The following NRXN3 variants were observed in gnomAD, a reference collection of about 807,000 sequenced individuals.
NRXN3 encodes the protein neurexin III.
In NRXN3, 32 loss-of-function variants were observed where a neutral mutation model predicts 137.6. That is an observed-to-expected ratio of 0.23 (90% CI 0.18 to 0.31). The LOEUF is 0.31. NRXN3 is among the 10% of genes least tolerant of loss of function. The pLI, the probability that NRXN3 is intolerant of heterozygous loss-of-function variation, is 1.00. For synonymous variants in NRXN3, 798 were observed against 784.5 expected (o/e 1.02, Z -0.29); for missense variants, 1,574 against 2,062.5 (o/e 0.76, Z 4.59).
chr14:79,517,250 A>G (rs954671901), intron 16 of NRXN3, among the ~76,000 whole-genome samples: 1 of 152,094 alleles, frequency 6.6e-6, no homozygotes, highest in Non-Finnish European at 1.5e-5. Context: ...ACATCTGTTT[A>G]TATGTTTAGG....
chr14:78,172,724 A>G (rs1595546527), intron 1 of NRXN3, among the ~76,000 whole-genome samples: 1 of 152,110 alleles, frequency 6.6e-6, no homozygotes, highest in African/African-American at 2.4e-5. Context: ...TTTTTTAAAA[A>G]CAACCGGACT....
chr14:79,095,426 A>T (rs565537214), intron 15 of NRXN3, among the ~76,000 whole-genome samples: 1 of 152,300 alleles, frequency 6.6e-6, no homozygotes, highest in African/African-American at 2.4e-5. Flanking sequence ...GATGCTCAAC[A>T]ACTGTAACCC....
chr14:79,092,487 G>GCACACA (rs147201198), intron 15 of NRXN3, among the ~76,000 whole-genome samples: 1 of 151,278 alleles, frequency 6.6e-6, no homozygotes, highest in Non-Finnish European at 1.5e-5. Flanking sequence ...GAACGTGCAT[G>GCACACA]CACACACACA....
intron 19 of NRXN3, among the ~76,000 whole-genome samples, chr14:79,775,399 C>T (rs1164953569): frequency 2.6e-5 from 4 of 151,960 alleles, no homozygotes; most frequent in Non-Finnish European, 4.4e-5. Context: ...TGTTCGCAGT[C>T]ATCTAATTTC....
intron 15 of NRXN3, among the ~76,000 whole-genome samples, chr14:79,095,451 A>G (rs1296258643): frequency 1.3e-5 from 2 of 152,154 alleles, no homozygotes; most frequent in African/African-American, 2.4e-5. Flanking sequence ...TTGGCAGACT[A>G]GAGAGTTATC....
intron 15 of NRXN3, among the ~76,000 whole-genome samples, chr14:79,242,640 C>T (rs548245418): frequency 1.3e-5 from 2 of 152,234 alleles, no homozygotes; most frequent in Non-Finnish European, 2.9e-5. Context: ...GTACTAATGG[C>T]ATCTGCTCTC....
chr14:78,518,093 T>C (rs746720547), intron 4 of NRXN3, among the ~76,000 whole-genome samples: 3 of 152,106 alleles, frequency 2.0e-5, no homozygotes, highest in Non-Finnish European at 1.5e-5. Flanking sequence ...CTCTATGGGG[T>C]TTGAAAAAAC....
intron 10 of NRXN3, among the ~76,000 whole-genome samples, chr14:78,892,277 G>C (rs530606546): frequency 6.6e-6 from 1 of 152,146 alleles, no homozygotes; most frequent in African/African-American, 2.4e-5. Context: ...GAGAAGGCTT[G>C]AAGAAAGAGA....
intron 20 of NRXN3, among the ~76,000 whole-genome samples, chr14:79,843,450 G>A (rs1568427592): frequency 6.6e-6 from 1 of 152,156 alleles, no homozygotes; most frequent in Non-Finnish European, 1.5e-5. Flanking sequence ...GCTGAAGGTT[G>A]GGATGGCTGT....
chr14:78,293,730 C>G (rs2076032683), intron 3 of NRXN3, among the ~76,000 whole-genome samples: 1 of 152,176 alleles, frequency 6.6e-6, no homozygotes, highest in African/African-American at 2.4e-5. Context: ...CCCTCAATGT[C>G]TCCCATCAAT....
At chr14:79,419,248 G>A (rs2095541273) in intron 15 of NRXN3, among the ~76,000 whole-genome samples, 1 of 152,070 alleles carries the variant, frequency 6.6e-6, no homozygotes, top group African/African-American at 2.4e-5. Flanking sequence ...AGATGGTCAG[G>A]GTAGAGAGCT....
At chr14:79,834,367 T>C (rs1157564042) in intron 20 of NRXN3, among the ~76,000 whole-genome samples, 1 of 152,144 alleles carries the variant, frequency 6.6e-6, no homozygotes, top group Non-Finnish European at 1.5e-5. Context: ...GCTCTTAGAA[T>C]TGCTAAATGT....
chr14:78,364,869 A>G (rs1404196929), intron 4 of NRXN3, among the ~76,000 whole-genome samples: 1 of 152,230 alleles, frequency 6.6e-6, no homozygotes, highest in Non-Finnish European at 1.5e-5. Flanking sequence ...TTGTCCAGCC[A>G]CATTCCACGG....
intron 4 of NRXN3, among the ~76,000 whole-genome samples, chr14:78,538,542 A>C (rs930000039): frequency 1.1e-4 from 16 of 152,228 alleles, no homozygotes; most frequent in Non-Finnish European, 1.8e-4. Flanking sequence ...CTAAATATGC[A>C]ATCATGTCAT....
At chr14:78,503,213 G>A (rs972912671) in intron 4 of NRXN3, among the ~76,000 whole-genome samples, 4 of 152,160 alleles carry the variant, frequency 2.6e-5, no homozygotes, top group African/African-American at 7.2e-5. Flanking sequence ...TGGATTGACT[G>A]TTTGTTTGCC....
At chr14:79,159,965 A>C (rs1446161541) in intron 15 of NRXN3, among the ~76,000 whole-genome samples, 1 of 151,874 alleles carries the variant, frequency 6.6e-6, no homozygotes, top group Non-Finnish European at 1.5e-5. Flanking sequence ...GCTAAATCTC[A>C]ATGGAAATTG....
intron 15 of NRXN3, among the ~76,000 whole-genome samples, chr14:79,460,164 T>C (rs1292774386): frequency 6.6e-6 from 1 of 152,140 alleles, no homozygotes; most frequent in Admixed American, 6.5e-5. Flanking sequence ...TTAAAGTATA[T>C]ATAAGGTAAC....
At chr14:79,614,954 G>A (rs1367621348) in intron 16 of NRXN3, among the ~76,000 whole-genome samples, 5 of 152,202 alleles carry the variant, frequency 3.3e-5, no homozygotes, top group Admixed American at 3.3e-4. Flanking sequence ...CCATGAGAGT[G>A]AAGTGGAGGT....
intron 15 of NRXN3, among the ~76,000 whole-genome samples, chr14:79,216,610 T>A (rs1205594758): frequency 6.6e-6 from 1 of 152,216 alleles, no homozygotes; most frequent in Non-Finnish European, 1.5e-5. Flanking sequence ...TATTAGGCAC[T>A]TTATCTTGCT....
Sources: gnomAD v4.1 joint callset for allele counts (sites outside exome capture counted in the v4.1 genomes callset) on GRCh38, gnomAD v4.1.1 for gene constraint, MANE v1.5 for transcripts, NCBI Gene and HGNC (gene_info 2026-07-23, HGNC 2026-07-21) for gene names.